METTL22: variants seen among roughly 807,000 people sequenced by gnomAD.
The protein encoded by METTL22 is methyltransferase-like protein 22.
Under a neutral mutation model 48.4 loss-of-function variants are expected in METTL22, and 51 were observed. The ratio of observed to expected loss-of-function variants is 1.05; its 90% CI spans 0.84 to 1.33. The LOEUF (loss-of-function observed/expected upper bound fraction) is 1.33, where lower values mean the gene tolerates loss of function less well. Among genes scored for constraint, METTL22 ranks in the 40% most tolerant of loss-of-function variants. The pLI is 0.00. For synonymous variants in METTL22, 255 were observed against 214.1 expected, an observed-to-expected ratio of 1.19 and a Z score of -1.67; for missense variants, 678 against 526.9, an observed-to-expected ratio of 1.29 and a Z score of -2.81.
chr16:8,649,694 C>G (rs1243737347), downstream of METTL22: 1 of 151,744 alleles, frequency 6.6e-6, no homozygotes, highest in Non-Finnish European at 1.5e-5. Flanking sequence ...ATCCCAGCTA[C>G]TTAGGAGGCT....
Position 8,642,511 on chromosome 16 carries a change from G to C in METTL22, c.956G>C (p.Arg319Pro). 1 of 1,614,164 alleles carries C rather than the reference G, an allele frequency of 6.2e-7. No homozygotes were observed. Among genetic ancestry groups the C allele is most frequent in the Non-Finnish European group, 8.5e-7 (1 of 1,180,038 alleles). Reference protein sequence around the residue: ...LTDAVFKTLSRLAHRLKNACT... With the variant: ...LTDAVFKTLSPLAHRLKNACT... ...GATGCTGTGTTTAAAACGCTCTCCC[G>C]ACTCGCCCACAGATTGAAAAATGCC... The change falls in exon 9 of 11, where the codon CGA becomes CCA. Residue 319 changes from arginine (R) to proline (P), a missense_variant. Transcript: ENST00000381920.
At chr16:8,653,259 C>A (rs1345354394), downstream of METTL22, among the ~76,000 whole-genome samples, 1 of 152,156 alleles carries the variant, frequency 6.6e-6, no homozygotes, top group Non-Finnish European at 1.5e-5. Flanking sequence ...AATTTTAACC[C>A]TCTGTTAAAA....
intron 3 of METTL22, among the ~76,000 whole-genome samples, chr16:8,634,026 C>T (rs760340283): frequency 2.5e-4 from 38 of 152,186 alleles, no homozygotes; most frequent in Non-Finnish European, 5.0e-4. Flanking sequence ...CGTGTTAGGA[C>T]GTAGCAATCT....
chr16:8,656,975 G>A, the METTL22 span, among the ~76,000 whole-genome samples: 1 of 152,168 alleles, frequency 6.6e-6, no homozygotes, highest in Admixed American at 6.6e-5. Context: ...CTCCCGAGAA[G>A]ACAAACCCAC....
At chr16:8,629,218 A>G in intron 3 of METTL22, 108 bp downstream of exon 3, 1 of 1,428,486 alleles carries the variant, frequency 7.0e-7, no homozygotes, top group Admixed American at 2.1e-5. Flanking sequence ...CAGGCAGCAC[A>G]GGTTATGAGA....
the METTL22 span, among the ~76,000 whole-genome samples, chr16:8,666,022 G>A: frequency 6.6e-6 from 1 of 152,186 alleles, no homozygotes; most frequent in African/African-American, 2.4e-5. Context: ...ACAGGTGATG[G>A]TGCAGGAGGA....
rs771650998 is a variant in METTL22, at chr16:8,639,177, G to T, written c.772+15G>T. The T allele has an allele frequency of 3.7e-6, 6 of 1,613,588 alleles. No individual in the cohort carries two copies. Among genetic ancestry groups the T allele is most frequent in the East Asian group, 2.2e-5 (1 of 44,868 alleles). On this transcript the variant is annotated intron_variant, in intron 6 of 10. Transcript: ENST00000381920. ...TGCCACTGGAGGTGAGGCCCAGGGGGTCTTCTGCCAGGGAGGGAGGTTTCT... is the reference window on the plus strand; with the variant it reads ...TGCCACTGGAGGTGAGGCCCAGGGGTTCTTCTGCCAGGGAGGGAGGTTTCT...
chr16:8,642,487 A>G lies in METTL22; in HGVS notation c.932A>G (p.Asp311Gly), dbSNP rs768443384. The G allele has an allele frequency of 6.2e-6, 10 of 1,614,118 alleles. No individual in the cohort carries two copies. The highest frequency in any genetic ancestry group is 8.5e-6 in the Non-Finnish European group (10 of 1,180,042). ...GTGTTTTACGACGACGACTTGACTG[A>G]TGCTGTGTTTAAAACGCTCTCCCGA... is the stretch of plus-strand genomic sequence containing the variant. ...AEVFYDDDLTDAVFKTLSRLA... is the reference protein window; with the variant it reads ...AEVFYDDDLTGAVFKTLSRLA... Residue 311 changes from aspartate (D) to glycine (G), a missense_variant, in exon 9 of 11, where the codon GAT (aspartate) becomes GGT (glycine). Coordinates refer to ENST00000381920, the MANE Select transcript of METTL22 (RefSeq NM_024109.4).
At chr16:8,632,467 A>T (rs1794268796) in intron 3 of METTL22, among the ~76,000 whole-genome samples, 1 of 152,130 alleles carries the variant, frequency 6.6e-6, no homozygotes, top group South Asian at 2.1e-4. Flanking sequence ...TAGCCTTCCA[A>T]AGTGCTGGGA....
intron 3 of METTL22, 96 bp from the exon 4 acceptor site, chr16:8,634,943 T>C: frequency 6.6e-7 from 1 of 1,525,998 alleles, no homozygotes; most frequent in Non-Finnish European, 9.1e-7. Context: ...GACGCCCATC[T>C]GACCGTGCTG....
the METTL22 span, chr16:8,666,746 T>C: frequency 1.3e-5 from 2 of 151,974 alleles, no homozygotes; most frequent in East Asian, 3.9e-4. Flanking sequence ...CATTCTGCCA[T>C]GCTGTCTCCT....
At chr16:8,654,750 A>G in the METTL22 span, among the ~76,000 whole-genome samples, 2 of 152,200 alleles carry the variant, frequency 1.3e-5, no homozygotes, top group African/African-American at 4.8e-5. Context: ...TGCTCCTCCA[A>G]CTGAGCCTCA....
In METTL22 at chr16:8,634,153, A is replaced by G. The variant is rs181322364; in HGVS notation, c.515-886A>G. Among the ~76,000 whole-genome samples, 515 of 152,362 alleles carry G rather than the reference A, an allele frequency of 3.4e-3. 3 individuals are homozygous for G. Among genetic ancestry groups the G allele is most frequent in the African/African-American group, 0.012 (485 of 41,584 alleles). ...TCACTTTATTCAGAGATCAGATTCT[A>G]ACTGCCCATAGGGCTGAAATCTTTG... On this transcript the variant is annotated intron_variant, in intron 3 of 10. Transcript: ENST00000381920.
At chr16:8,625,069 T>A (rs73491483) in intron 1 of METTL22, among the ~76,000 whole-genome samples, 8,375 of 152,136 alleles carry the variant, frequency 0.055, 809 homozygotes, top group African/African-American at 0.19. Flanking sequence ...TGGAGGAAAT[T>A]GACTTTAATG....
At chr16:8,638,533 G>A (rs1013256248) in intron 5 of METTL22, among the ~76,000 whole-genome samples, 2 of 152,070 alleles carry the variant, frequency 1.3e-5, no homozygotes, top group Admixed American at 6.5e-5. Context: ...AAAGTGAATC[G>A]CGCTCAAGAG....
chr16:8,651,228 A>C (rs1209068075), downstream of METTL22, among the ~76,000 whole-genome samples: 5 of 151,568 alleles, frequency 3.3e-5, no homozygotes. Context: ...TCTACTAAAA[A>C]TACAAAAAAT....
At chr16:8,634,356 G>A (rs1329723489) in intron 3 of METTL22, among the ~76,000 whole-genome samples, 1 of 152,126 alleles carries the variant, frequency 6.6e-6, no homozygotes, top group Non-Finnish European at 1.5e-5. Context: ...TCTTAGACAA[G>A]CAAGTTCTTA....
chr16:8,663,067 G>A, the METTL22 span, among the ~76,000 whole-genome samples: 2 of 151,606 alleles, frequency 1.3e-5, no homozygotes, highest in Admixed American at 1.3e-4. Context: ...AATTAGCCGG[G>A]CATGATGGCA....
At position 8,621,774 on chromosome 16, in the gene METTL22, G is replaced by A. The variant is rs1335172610; in HGVS notation, c.-172G>A. 1.3e-5 allele frequency: 2 copies of A among 152,290 alleles called. No individual in the cohort carries two copies. Among genetic ancestry groups the A allele is most frequent in the East Asian group, 1.9e-4 (1 of 5,188 alleles). 9.4% of individuals were successfully genotyped at this position (152,290 alleles called of 1,614,324 possible). ...GGGATCCCAGGCTGGGCCCCGCGGC[G>A]GGTAAGTGCCTGGGAGAGGCGGCGG... is the stretch of plus-strand genomic sequence containing the variant. On this transcript the variant is annotated splice_region_variant and 5_prime_UTR_variant, in exon 1 of 11. Transcript: ENST00000381920.
Sources: gnomAD v4.1 joint callset for allele counts (sites outside exome capture counted in the v4.1 genomes callset) on GRCh38, gnomAD v4.1.1 for gene constraint, MANE v1.5 for transcripts, NCBI Gene and HGNC (gene_info 2026-07-23, HGNC 2026-07-21) for gene names.